The following SAXO1 variants were observed in gnomAD, a reference collection of about 807,000 sequenced individuals.
The protein encoded by SAXO1 is stabilizer of axonemal microtubules 1.
In SAXO1, 21 loss-of-function variants were observed where a neutral mutation model predicts 17.5. The observed-to-expected ratio is 1.20, with a 90% CI of 0.85 to 1.72. The LOEUF (loss-of-function observed/expected upper bound fraction) is 1.72, where lower values mean the gene tolerates loss of function less well. Among genes scored for constraint, SAXO1 ranks in the 40% most tolerant of loss-of-function variants. The pLI, the probability that SAXO1 is intolerant of heterozygous loss-of-function variation, is 0.00. For synonymous variants in SAXO1, 274 were observed against 216.5 expected, an observed-to-expected ratio of 1.27 and a Z score of -2.33; for missense variants, 843 against 596.0, an observed-to-expected ratio of 1.41 and a Z score of -4.32.
At chr9:19,002,389 T>C (rs1056577127) in intron 1 of SAXO1, among the ~76,000 whole-genome samples, 1 of 152,204 alleles carries the variant, frequency 6.6e-6, no homozygotes, top group Non-Finnish European at 1.5e-5. Flanking sequence ...CTCTCACTCT[T>C]TCTATGAGGC....
intron 1 of SAXO1, among the ~76,000 whole-genome samples, chr9:18,958,496 A>G (rs968373778): frequency 6.6e-5 from 10 of 152,054 alleles, no homozygotes; most frequent in African/African-American, 2.4e-4. Context: ...GGATAACAGA[A>G]AGCAGGGCCA....
intron 1 of SAXO1, among the ~76,000 whole-genome samples, chr9:18,972,061 T>A (rs538732480): frequency 3.9e-5 from 6 of 152,334 alleles, no homozygotes; most frequent in African/African-American, 1.4e-4. Flanking sequence ...AGTCAGAACT[T>A]GTTAAACCCC....
intron 1 of SAXO1, among the ~76,000 whole-genome samples, chr9:18,994,272 G>A (rs947937996): frequency 6.6e-6 from 1 of 152,100 alleles, no homozygotes; most frequent in African/African-American, 2.4e-5. Flanking sequence ...TCTCCCTTAA[G>A]CCACTGAAAC....
intron 1 of SAXO1, among the ~76,000 whole-genome samples, chr9:19,001,914 T>C (rs554598269): frequency 2.8e-4 from 40 of 142,204 alleles, no homozygotes; most frequent in African/African-American, 8.7e-4. Context: ...ATGAAGGAGA[T>C]AGAGACACAA....
chr9:19,047,748 A>G (rs1032194880), intron 1 of SAXO1, among the ~76,000 whole-genome samples: 1 of 152,246 alleles, frequency 6.6e-6, no homozygotes, highest in South Asian at 2.1e-4. Flanking sequence ...TGTGAGGGTA[A>G]AAACAAAGAA....
intron 1 of SAXO1, among the ~76,000 whole-genome samples, chr9:19,025,295 T>C (rs113586568): frequency 4.5e-4 from 69 of 152,332 alleles, no homozygotes; most frequent in African/African-American, 1.5e-3. Flanking sequence ...TCAGAATTTA[T>C]GAAGTCAATT....
At chr9:18,963,174 G>A (rs1044767676) in intron 1 of SAXO1, among the ~76,000 whole-genome samples, 75 of 152,088 alleles carry the variant, frequency 4.9e-4, no homozygotes, top group Admixed American at 4.5e-3. Flanking sequence ...GTTTTGGTAC[G>A]AGTACCATGC....
At chr9:18,949,466 A>T (rs1327502) in intron 2 of SAXO1, among the ~76,000 whole-genome samples, 4 of 151,796 alleles carry the variant, frequency 2.6e-5, no homozygotes, top group South Asian at 2.1e-4. Flanking sequence ...TAAAAAAAAA[A>T]TTTTTTTTAA....
chr9:18,972,348 C>T (rs559438589), intron 1 of SAXO1, among the ~76,000 whole-genome samples: 3 of 152,286 alleles, frequency 2.0e-5, no homozygotes, highest in African/African-American at 7.2e-5. Context: ...AACACCATAC[C>T]TTTCTATTAG....
chr9:19,012,337 G>A (rs1457995635), intron 1 of SAXO1, among the ~76,000 whole-genome samples: 1 of 152,246 alleles, frequency 6.6e-6, no homozygotes, highest in Non-Finnish European at 1.5e-5. Flanking sequence ...AATCTCTTTA[G>A]GGACAGTTAG....
At chr9:18,965,574 C>CT (rs57731971) in intron 1 of SAXO1, among the ~76,000 whole-genome samples, 8 of 150,518 alleles carry the variant, frequency 5.3e-5, no homozygotes, top group Non-Finnish European at 8.8e-5. Context: ...GCAACCCCTG[C>CT]TTTTTTTTTC....
chr9:18,996,745 G>A (rs1490250792), intron 1 of SAXO1, among the ~76,000 whole-genome samples: 1 of 152,102 alleles, frequency 6.6e-6, no homozygotes, highest in Non-Finnish European at 1.5e-5. Context: ...ACTTAATGAT[G>A]AAAAACTGAA....
chr9:18,990,029 T>C (rs4506313), intron 1 of SAXO1, among the ~76,000 whole-genome samples: 103,985 of 152,064 alleles, frequency 0.68, 36,048 homozygotes, highest in Non-Finnish European at 0.75. Context: ...GCCACCTTTA[T>C]TTTGCAAAGG....
rs537137388 is a variant in SAXO1, at chr9:19,031,416, G to T, written c.38+1455C>A. 2.6e-5 allele frequency among the ~76,000 whole-genome samples: 4 copies of T among 152,308 alleles called. No homozygotes were observed. In the South Asian group the frequency reaches 8.3e-4, roughly 32 times the overall value. Reference sequence around the variant, plus strand: ...GTCTCTACTAAAAATACAAAAATTAGCCAGGCATGGTGGCATGTGCCTGTA... The same window carrying T: ...GTCTCTACTAAAAATACAAAAATTATCCAGGCATGGTGGCATGTGCCTGTA... On this transcript the variant is annotated intron_variant, in intron 1 of 3. Transcript: ENST00000380534.
intron 2 of SAXO1, among the ~76,000 whole-genome samples, chr9:18,942,930 T>C (rs961263747): frequency 3.3e-5 from 5 of 152,252 alleles, no homozygotes; most frequent in African/African-American, 1.2e-4. Context: ...TTTTTCCTGA[T>C]GGTGCTTGCC....
At position 18,934,510 on chromosome 9, in the gene SAXO1, C is replaced by T. The variant is rs568316785; in HGVS notation, c.422-5455G>A. ...TTCCAACTCCAGAGTTTTCATTTGC[C>T]TCTTTATTATTTCCTGTTACTGATA... On this transcript the variant is annotated intron_variant, in intron 3 of 3. Transcript: ENST00000380534. 2.2e-3 allele frequency among the ~76,000 whole-genome samples: 337 copies of T among 152,168 alleles called. 2 individuals carry two copies. Among genetic ancestry groups the T allele is most frequent in the African/African-American group, 7.5e-3 (311 of 41,520 alleles).
intron 1 of SAXO1, among the ~76,000 whole-genome samples, chr9:18,990,484 T>C (rs1833771558): frequency 6.6e-6 from 1 of 152,150 alleles, no homozygotes; most frequent in African/African-American, 2.4e-5. Flanking sequence ...GGTAGGAGAA[T>C]TGCTTGAACC....
chr9:18,943,328 A>G (rs1831655387), intron 2 of SAXO1, among the ~76,000 whole-genome samples: 2 of 152,202 alleles, frequency 1.3e-5, no homozygotes, highest in Non-Finnish European at 2.9e-5. Context: ...CCCTGCTGTT[A>G]GCCTGAAGTG....
intron 1 of SAXO1, among the ~76,000 whole-genome samples, chr9:19,005,972 A>G (rs975332155): frequency 6.6e-6 from 1 of 152,268 alleles, no homozygotes; most frequent in African/African-American, 2.4e-5. Flanking sequence ...CACCTTGAGT[A>G]GACATCTCTC....
Sources: allele counts gnomAD v4.1 joint callset (sites outside exome capture counted in the v4.1 genomes callset), GRCh38; gene constraint gnomAD v4.1.1; transcripts MANE v1.5; gene names NCBI Gene and HGNC (gene_info 2026-07-23, HGNC 2026-07-21).